ZFPM2: variants seen among roughly 807,000 people sequenced by gnomAD.
ZFPM2 encodes the protein zinc finger protein ZFPM2.
A neutral mutation model predicts 98.6 loss-of-function variants in ZFPM2; 20 were observed. The ratio of observed to expected loss-of-function variants is 0.20; its 90% confidence interval spans 0.14 to 0.29. ZFPM2 has a LOEUF of 0.29. ZFPM2 is among the 10% of genes least tolerant of loss of function. The pLI, the probability that ZFPM2 is intolerant of heterozygous loss-of-function variation, is 1.00. For missense variants in ZFPM2, 1,310 were observed against 1,388.6 expected, an observed-to-expected ratio of 0.94 and a Z score of 0.90; for synonymous variants, 518 against 502.7, an observed-to-expected ratio of 1.03 and a Z score of -0.41.
intron 3 of ZFPM2, among the ~76,000 whole-genome samples, chr8:105,453,368 C>T (rs753070247): frequency 1.3e-5 from 2 of 152,142 alleles, no homozygotes; most frequent in Admixed American, 6.5e-5. Context: ...TACCATAAAA[C>T]TATATTATCA....
In ZFPM2 at chr8:105,684,537, G is replaced by T. The variant is rs547436316; in HGVS notation, c.532+50180G>T. Among the ~76,000 whole-genome samples, 7 of 152,152 alleles carry T rather than the reference G, an allele frequency of 4.6e-5. No individual in the cohort carries two copies. The South Asian group carries it at 1.5e-3, about 32-fold the overall frequency. On this transcript the variant is annotated intron_variant, in intron 5 of 7. Coordinates refer to ENST00000407775, the MANE Select transcript of ZFPM2 (RefSeq NM_012082.4). ...GTTGAAATTAATAGGCAGCTGTTAG[G>T]TCATCTCTAAGATAGCACTTCATTA... is the stretch of plus-strand genomic sequence containing the variant.
intron 5 of ZFPM2, among the ~76,000 whole-genome samples, chr8:105,707,525 A>C (rs1164013576): frequency 6.6e-6 from 1 of 152,120 alleles, no homozygotes; most frequent in Non-Finnish European, 1.5e-5. Context: ...CTCTGTCCCT[A>C]CCTTGTAGGG....
chr8:105,767,089 A>C (rs1405083504), intron 5 of ZFPM2, among the ~76,000 whole-genome samples: 1 of 151,854 alleles, frequency 6.6e-6, no homozygotes, highest in Non-Finnish European at 1.5e-5. Context: ...ATACAATCTC[A>C]TGATCACAAT....
At chr8:105,520,777 TGATAG>T (rs1002188355) in intron 3 of ZFPM2, among the ~76,000 whole-genome samples, 3 of 151,402 alleles carry the variant, frequency 2.0e-5, no homozygotes, top group African/African-American at 7.3e-5. Flanking sequence ...TATGAGTAAT[TGATAG>T]AGAGATATTT....
rs1321878233 is a variant in ZFPM2, at chr8:105,691,280, C to T, written c.532+56923C>T. 8.1e-4 allele frequency among the ~76,000 whole-genome samples: 71 copies of T among 87,644 alleles called. 6 individuals carry two copies. The highest frequency in any genetic ancestry group is 3.4e-3 in the African/African-American group (61 of 17,898). The allele number at this position is 87,644 out of a possible 152,430, so 57.5% of individuals were successfully genotyped here. Reference sequence around the variant, plus strand: ...TTTTTGAGACGGAGTCTCGCTCTGTCGCCCAGGCCGGACTGCGGACTGCAG... The same window carrying T: ...TTTTTGAGACGGAGTCTCGCTCTGTTGCCCAGGCCGGACTGCGGACTGCAG... On this transcript the variant is annotated intron_variant, in intron 5 of 7. Transcript: ENST00000407775.
chr8:105,631,325 C>T (rs2130834342), intron 4 of ZFPM2, among the ~76,000 whole-genome samples: 1 of 152,212 alleles, frequency 6.6e-6, no homozygotes, highest in South Asian at 2.1e-4. Flanking sequence ...TTCCATTTAT[C>T]AATAACAATA....
At chr8:105,476,451 G>A (rs962743726) in intron 3 of ZFPM2, among the ~76,000 whole-genome samples, 6 of 152,082 alleles carry the variant, frequency 3.9e-5, no homozygotes, top group African/African-American at 9.7e-5. Context: ...GTTTCATCCC[G>A]GAACCATCCC....
At chr8:105,360,178 C>T (rs1281867488) in intron 1 of ZFPM2, among the ~76,000 whole-genome samples, 1 of 152,144 alleles carries the variant, frequency 6.6e-6, no homozygotes, top group Non-Finnish European at 1.5e-5. Flanking sequence ...CAGAAGTTGT[C>T]TCTGTACCGA....
intron 5 of ZFPM2, among the ~76,000 whole-genome samples, chr8:105,724,080 A>G (rs1211664204): frequency 6.6e-6 from 1 of 151,792 alleles, no homozygotes; most frequent in Non-Finnish European, 1.5e-5. Context: ...TCTTTGCTTT[A>G]AGTTGTCATA....
At chr8:105,444,122 A>T (rs1812319506) in intron 2 of ZFPM2, among the ~76,000 whole-genome samples, 158 bp from the exon 3 acceptor site, 1 of 152,252 alleles carries the variant, frequency 6.6e-6, no homozygotes, top group East Asian at 1.9e-4. Context: ...AAGCCACAAT[A>T]GATATCAAAA....
intron 4 of ZFPM2, among the ~76,000 whole-genome samples, chr8:105,625,583 TA>T (rs934604658): frequency 2.1e-5 from 3 of 143,462 alleles, no homozygotes; most frequent in African/African-American, 7.6e-5. Flanking sequence ...TGTGAAAACC[TA>T]TTTTTTTTTT....
chr8:105,482,447 G>C (rs1813139367), intron 3 of ZFPM2, among the ~76,000 whole-genome samples: 1 of 151,940 alleles, frequency 6.6e-6, no homozygotes, highest in Admixed American at 6.6e-5. Context: ...TGTGATTACT[G>C]ATCTAGTTCT....
chr8:105,586,863 T>A (rs886905580), intron 4 of ZFPM2, among the ~76,000 whole-genome samples: 2 of 149,342 alleles, frequency 1.3e-5, no homozygotes, highest in African/African-American at 4.9e-5. Context: ...TATATATATA[T>A]ATTCTTTTGA....
intron 5 of ZFPM2, among the ~76,000 whole-genome samples, chr8:105,692,539 G>A (rs766483595): frequency 2.0e-4 from 30 of 152,148 alleles, no homozygotes; most frequent in Non-Finnish European, 3.1e-4. Flanking sequence ...GTAATTCAAT[G>A]TAGCATGCAT....
At position 105,593,294 on chromosome 8, in the gene ZFPM2, T is replaced by C. The variant is rs533282296; in HGVS notation, c.420+31813T>C. On this transcript the variant is annotated intron_variant, in intron 4 of 7. Coordinates refer to ENST00000407775, the MANE Select transcript of ZFPM2 (RefSeq NM_012082.4). ...AAGAATTACCAAAATTCTGTCTTCA[T>C]GTTTTAACTACTGGAATTTTAATGA... Among the ~76,000 whole-genome samples, 3 of 152,242 alleles carry C rather than the reference T, an allele frequency of 2.0e-5. No homozygotes were observed. In the South Asian group the frequency reaches 6.2e-4, roughly 32 times the overall value.
In ZFPM2 at chr8:105,689,363, ATAT is replaced by A. The variant is rs1810821557; in HGVS notation, c.532+55010_532+55012del. On this transcript the variant is annotated intron_variant, in intron 5 of 7. Transcript: ENST00000407775. The stretch of plus-strand genomic sequence containing the variant: ...AAATATTTCATTATCTTTCACAGAC[ATAT>A]TATGTTTTGCAGACATATTATTACA... 2.6e-5 allele frequency among the ~76,000 whole-genome samples: 4 copies of A among 152,314 alleles called. No individual in the cohort carries two copies. The South Asian group carries it at 6.2e-4, about 24-fold the overall frequency.
rs868680503 is a variant in ZFPM2, at chr8:105,542,377, G to A, written c.302-18986G>A. Among the ~76,000 whole-genome samples, 8 of 152,168 alleles carry A rather than the reference G, an allele frequency of 5.3e-5. No homozygotes were observed. In the Middle Eastern group the frequency reaches 0.014, roughly 259 times the overall value. Reference sequence around the variant, plus strand: ...TATCTATAGCGAGATGTGTTAAATCGTTTTGGTTGGCTTTGTTTTGATAAT... The same window carrying A: ...TATCTATAGCGAGATGTGTTAAATCATTTTGGTTGGCTTTGTTTTGATAAT... On this transcript the variant is annotated intron_variant, in intron 3 of 7. Transcript: ENST00000407775.
intron 3 of ZFPM2, among the ~76,000 whole-genome samples, chr8:105,520,536 G>A (rs919392232): frequency 3.3e-5 from 5 of 152,016 alleles, no homozygotes; most frequent in East Asian, 1.9e-4. Flanking sequence ...GTGGGTACAC[G>A]CTCACACACA....
chr8:105,458,068 T>C lies in ZFPM2; in HGVS notation c.301+13687T>C, dbSNP rs916552473. Among the ~76,000 whole-genome samples the C allele has an allele frequency of 1.2e-4, 18 of 152,182 alleles. 1 individual carries two copies. Among genetic ancestry groups the C allele is most frequent in the Admixed American group, 1.1e-3 (17 of 15,276 alleles). On this transcript the variant is annotated intron_variant, in intron 3 of 7. Coordinates refer to ENST00000407775, the MANE Select transcript of ZFPM2 (RefSeq NM_012082.4). ...AAGTAAGGCTGACTTGGCTCTTGGC[T>C]GTTGGAAGTTTTTGGAGAGTTTGAA... is the stretch of plus-strand genomic sequence containing the variant.
Sources: gnomAD v4.1 joint callset for allele counts (sites outside exome capture counted in the v4.1 genomes callset) on GRCh38, gnomAD v4.1.1 for gene constraint, MANE v1.5 for transcripts, NCBI Gene and HGNC (gene_info 2026-07-23, HGNC 2026-07-21) for gene names.